The following ITPR2 variants were observed in gnomAD, a reference collection of about 807,000 sequenced individuals.
ITPR2 encodes the protein inositol 1,4,5-trisphosphate receptor type 2, also known as inositol 1,4,5-trisphosphate-gated calcium channel ITPR2.
Under a neutral mutation model 317.1 loss-of-function variants are expected in ITPR2, and 207 were observed. That is an observed-to-expected ratio of 0.65 (90% CI 0.58 to 0.73). The LOEUF (loss-of-function observed/expected upper bound fraction) is 0.73. Ranked by LOEUF, ITPR2 falls within the 30% of genes least tolerant of loss-of-function variation. The pLI is 0.00. For missense variants in ITPR2, 2,613 were observed against 3,284.0 expected, an observed-to-expected ratio of 0.80 and a Z score of 4.99; for synonymous variants, 1,156 against 1,149.1, an observed-to-expected ratio of 1.01 and a Z score of -0.12.
intron 2 of ITPR2, among the ~76,000 whole-genome samples, chr12:26,738,724 C>G (rs1180014380): frequency 6.6e-6 from 1 of 152,030 alleles, no homozygotes; most frequent in Non-Finnish European, 1.5e-5. Context: ...TCTTATTTCA[C>G]TCTCTCTCCA....
rs545432159 is a variant in ITPR2 at position 26,689,109 on chromosome 12, T to C, written c.997-2477A>G. Reference sequence around the variant, plus strand: ...AAAACATCATGTTATATACCTTAACTATATACAGTTTTAAAATGAAAAAGA... The same window carrying C: ...AAAACATCATGTTATATACCTTAACCATATACAGTTTTAAAATGAAAAAGA... On this transcript the variant is annotated intron_variant, in intron 10 of 56. Coordinates refer to ENST00000381340, the MANE Select transcript of ITPR2 (RefSeq NM_002223.4). 3.0e-4 allele frequency among the ~76,000 whole-genome samples: 46 copies of C among 152,224 alleles called. 1 individual carries two copies. The highest frequency in any genetic ancestry group is 2.4e-3 in the Admixed American group (36 of 15,280).
At chr12:26,499,744 A>ATATAT (rs1431728678) in intron 37 of ITPR2, among the ~76,000 whole-genome samples, 1 of 152,242 alleles carries the variant, frequency 6.6e-6, no homozygotes, top group Non-Finnish European at 1.5e-5. Flanking sequence ...AATTTCCAGT[A>ATATAT]TATTAAGAAA....
intron 2 of ITPR2, among the ~76,000 whole-genome samples, chr12:26,764,582 T>C (rs1328283647): frequency 6.6e-6 from 1 of 152,110 alleles, no homozygotes; most frequent in African/African-American, 2.4e-5. Context: ...CAAACCTGCA[T>C]GTTCTGCACA....
At chr12:26,776,209 T>C (rs2137166140) in intron 2 of ITPR2, among the ~76,000 whole-genome samples, 2 of 152,186 alleles carry the variant, frequency 1.3e-5, no homozygotes, top group Middle Eastern at 6.8e-3. Context: ...CACTCCTGAC[T>C]CACCACTCAT....
intron 1 of ITPR2, among the ~76,000 whole-genome samples, chr12:26,832,387 A>C (rs1215893943): frequency 6.6e-6 from 1 of 152,278 alleles, no homozygotes; most frequent in Non-Finnish European, 1.5e-5. Context: ...AAAACAACCC[A>C]GGGAGAAGCC....
At position 26,631,755 on chromosome 12, in the gene ITPR2, A is replaced by T. The variant is rs143798483; in HGVS notation, c.2934+111T>A. ...CATTAACTTAAAAAAATAAAATTAT[A>T]TTGATAGCATTTCAGAATATTTACA... On this transcript the variant is annotated intron_variant, in intron 22 of 56. Transcript: ENST00000381340. 5.9e-5 allele frequency: 52 copies of T among 877,496 alleles called. No homozygotes were observed. In the East Asian group the frequency reaches 1.2e-3, roughly 20 times the overall value. 54.4% of individuals were successfully genotyped at this position (877,496 alleles called of 1,614,324 possible).
intron 37 of ITPR2, among the ~76,000 whole-genome samples, chr12:26,516,320 A>AAGGGAAGGGAAGGGAAGGGAAGGGAAG (rs1943514178): frequency 7.0e-6 from 1 of 143,534 alleles, no homozygotes; most frequent in African/African-American, 2.6e-5. Context: ...AGGAAAGGAA[A>AAGGGAAGGGAAGGGAAGGGAAGGGAAG]GGAAAGGAAA....
rs146097374 is a variant in ITPR2 at position 26,689,111 on chromosome 12, T to C, written c.997-2479A>G. 2.9e-3 allele frequency among the ~76,000 whole-genome samples: 445 copies of C among 152,254 alleles called. 2 individuals carry two copies. The highest frequency in any genetic ancestry group is 0.01 in the African/African-American group (426 of 41,562). ...AACATCATGTTATATACCTTAACTA[T>C]ATACAGTTTTAAAATGAAAAAGAGG... On this transcript the variant is annotated intron_variant, in intron 10 of 56. Coordinates refer to ENST00000381340, the MANE Select transcript of ITPR2 (RefSeq NM_002223.4).
In ITPR2 at chr12:26,758,342, T is replaced by A. The variant is rs1405068216; in HGVS notation, c.163+31815A>T. On this transcript the variant is annotated intron_variant, in intron 2 of 56. Transcript: ENST00000381340. The stretch of plus-strand genomic sequence containing the variant: ...AATACTACCTAGTACATAATAGATG[T>A]GTGTTAATGTTCACTCATTTCCCCA... Among the ~76,000 whole-genome samples, 4 of 152,228 alleles carry A rather than the reference T, an allele frequency of 2.6e-5. No homozygotes were observed. The East Asian group carries it at 7.7e-4, about 29-fold the overall frequency.
intron 35 of ITPR2, among the ~76,000 whole-genome samples, chr12:26,556,592 GTGTT>G (rs1565601614): frequency 6.2e-4 from 93 of 149,968 alleles, no homozygotes; most frequent in African/African-American, 2.1e-3. Flanking sequence ...GTGTGTGTGT[GTGTT>G]TTTGTTTATA....
intron 9 of ITPR2, 44 bp downstream of exon 9, chr12:26,711,129 A>T: frequency 7.3e-7 from 1 of 1,363,884 alleles, no homozygotes; most frequent in Non-Finnish European, 1.0e-6. Context: ...TCTTTCACTA[A>T]TTCAGAGTCA....
intron 13 of ITPR2, among the ~76,000 whole-genome samples, chr12:26,679,980 A>C (rs1275324423): frequency 6.6e-6 from 1 of 152,056 alleles, no homozygotes; most frequent in Non-Finnish European, 1.5e-5. Flanking sequence ...AGAAATGGAA[A>C]AAACTACAGT....
intron 39 of ITPR2, among the ~76,000 whole-genome samples, chr12:26,493,030 T>C (rs1328085497): frequency 6.6e-6 from 1 of 152,086 alleles, no homozygotes; most frequent in African/African-American, 2.4e-5. Flanking sequence ...CCCAACTGAA[T>C]ACCTGGTTCA....
At chr12:26,763,581 T>C (rs1204312945) in intron 2 of ITPR2, among the ~76,000 whole-genome samples, 1 of 152,150 alleles carries the variant, frequency 6.6e-6, no homozygotes, top group African/African-American at 2.4e-5. Flanking sequence ...GCAAGTGCTC[T>C]TTCTTAAGCT....
chr12:26,437,959 G>A (rs1409948791), intron 47 of ITPR2, among the ~76,000 whole-genome samples: 2 of 151,842 alleles, frequency 1.3e-5, no homozygotes, highest in African/African-American at 2.4e-5. Context: ...CTGCCACCAC[G>A]CCCGGCTAAT....
chr12:26,651,339 AC>A (rs1947248055), intron 21 of ITPR2, among the ~76,000 whole-genome samples: 1 of 151,726 alleles, frequency 6.6e-6, no homozygotes, highest in Admixed American at 6.6e-5. Flanking sequence ...CTTCAGTGTC[AC>A]CTATTTGATT....
chr12:26,446,492 CT>C (rs1228125000), intron 45 of ITPR2, among the ~76,000 whole-genome samples: 1 of 152,006 alleles, frequency 6.6e-6, no homozygotes, highest in Non-Finnish European at 1.5e-5. Context: ...AAAGCTTTTA[CT>C]TCTTTATGAT....
intron 2 of ITPR2, among the ~76,000 whole-genome samples, chr12:26,772,339 A>C (rs1368567382): frequency 6.7e-6 from 1 of 148,292 alleles, no homozygotes; most frequent in African/African-American, 2.5e-5. Context: ...CTCCCACAAC[A>C]TGTCACCATA....
chr12:26,792,462 C>T (rs185592099), intron 1 of ITPR2, among the ~76,000 whole-genome samples: 5 of 151,962 alleles, frequency 3.3e-5, no homozygotes, highest in East Asian at 2.0e-4. Flanking sequence ...TTCTTGAATA[C>T]TTCCAAGGCC....
Sources: allele counts gnomAD v4.1 joint callset (sites outside exome capture counted in the v4.1 genomes callset), GRCh38; gene constraint gnomAD v4.1.1; transcripts MANE v1.5; gene names NCBI Gene and HGNC (gene_info 2026-07-23, HGNC 2026-07-21).